The following HDAC9 variants were observed in gnomAD, a reference collection of about 807,000 sequenced individuals.
HDAC9 encodes the protein histone deacetylase 9.
HDAC9 carries 41 observed loss-of-function variants against 139.4 expected under a neutral mutation model. That is an observed-to-expected ratio of 0.29 (90% CI 0.23 to 0.38). HDAC9 has a LOEUF of 0.38. Among genes scored for constraint, HDAC9 ranks in the 10% least tolerant of loss-of-function variants. The pLI, the probability that HDAC9 is intolerant of heterozygous loss-of-function variation, is 1.00. For missense variants in HDAC9, 1,147 were observed against 1,297.0 expected (o/e 0.88, Z 1.78); for synonymous variants, 517 against 476.2 (o/e 1.09, Z -1.12).
At chr7:18,505,727 T>TA (rs1205252146) in intron 2 of HDAC9, 1 of 152,210 alleles carries the variant, frequency 6.6e-6, no homozygotes, top group Non-Finnish European at 1.5e-5. Context: ...TTTATGATCT[T>TA]ATTTGCTATG....
At chr7:18,130,362 A>G (rs1379746282) in intron 1 of HDAC9, among the ~76,000 whole-genome samples, 1 of 152,136 alleles carries the variant, frequency 6.6e-6, no homozygotes, top group Non-Finnish European at 1.5e-5. Context: ...AGCATGAGGA[A>G]TAGTGGCATG....
Position 18,666,358 on chromosome 7 carries a change from T to A in HDAC9, c.1613T>A (p.Val538Glu), listed in dbSNP as rs1562820981. ...ACTAGGAGCGACAGCAGTGCTTGTG[T>A]GGATGACACACTGGGACAAGTTGGG... Reference protein sequence around the residue: ...NSTRSDSSACVDDTLGQVGAV... With the variant: ...NSTRSDSSACEDDTLGQVGAV... The change falls in exon 12 of 26, where the codon GTG becomes GAG. Residue 538 changes from valine to glutamate, a missense_variant. This residue lies in a region of HDAC9 where 256 missense variants were observed against 219.2 expected (regional missense o/e 1.17). Coordinates refer to ENST00000686413, the MANE Select transcript of HDAC9 (RefSeq NM_178425.4). 6.2e-7 allele frequency: 1 copy of A among 1,613,230 alleles called. No homozygotes were observed. Among genetic ancestry groups the A allele is most frequent in the Admixed American group, 1.7e-5 (1 of 59,932 alleles).
chr7:18,464,522 C>T (rs1252080671), intron 1 of HDAC9, among the ~76,000 whole-genome samples: 1 of 151,994 alleles, frequency 6.6e-6, no homozygotes, highest in Non-Finnish European at 1.5e-5. Context: ...CTTGTCTCTT[C>T]ACATGCCTAG....
intron 2 of HDAC9, among the ~76,000 whole-genome samples, chr7:18,542,664 A>AAATATTT (rs1265649371): frequency 6.6e-6 from 1 of 152,166 alleles, no homozygotes; most frequent in Non-Finnish European, 1.5e-5. Flanking sequence ...TTAAATTTGG[A>AAATATTT]AATATTTTTA....
chr7:18,244,994 C>CCTCTATCTATCTATCCATCTATCT (rs71553924), intron 2 of HDAC9, among the ~76,000 whole-genome samples: 1 of 147,960 alleles, frequency 6.8e-6, no homozygotes, highest in Non-Finnish European at 1.5e-5. Flanking sequence ...ATCTAATCTG[C>CCTCTATCTATCTATCCATCTATCT]ATCTATCTAT....
intron 22 of HDAC9, among the ~76,000 whole-genome samples, chr7:18,907,202 A>G (rs1006990581): frequency 2.2e-4 from 34 of 152,322 alleles, no homozygotes; most frequent in African/African-American, 7.9e-4. Flanking sequence ...TTTTTTCTTT[A>G]TAATTCTGTT....
intron 22 of HDAC9, among the ~76,000 whole-genome samples, chr7:18,893,856 G>A (rs1221513190): frequency 2.0e-5 from 3 of 152,160 alleles, no homozygotes; most frequent in Non-Finnish European, 4.4e-5. Context: ...AGGTGATAAA[G>A]GAGCAAGCTG....
At chr7:18,794,090 T>C (rs1280640366) in intron 17 of HDAC9, among the ~76,000 whole-genome samples, 9 of 152,220 alleles carry the variant, frequency 5.9e-5, no homozygotes, top group African/African-American at 2.2e-4. Context: ...CTGACAGACG[T>C]TGACATTTTA....
intron 17 of HDAC9, among the ~76,000 whole-genome samples, chr7:18,793,756 G>A (rs1792538696): frequency 6.6e-6 from 1 of 152,120 alleles, no homozygotes; most frequent in Admixed American, 6.5e-5. Flanking sequence ...GTATATACAT[G>A]TCTGTCATGC....
At chr7:18,419,225 A>G (rs1398220722) in intron 1 of HDAC9, among the ~76,000 whole-genome samples, 2 of 152,246 alleles carry the variant, frequency 1.3e-5, no homozygotes, top group Non-Finnish European at 2.9e-5. Flanking sequence ...TGTCATGAAC[A>G]TATGACCAAT....
intron 14 of HDAC9, among the ~76,000 whole-genome samples, chr7:18,750,020 A>G (rs1465357596): frequency 6.6e-6 from 1 of 152,226 alleles, no homozygotes; most frequent in Non-Finnish European, 1.5e-5. Context: ...CCCAAAATGT[A>G]GTCAACAAAA....
chr7:18,795,083 T>C (rs1792664847), intron 17 of HDAC9, among the ~76,000 whole-genome samples: 1 of 151,822 alleles, frequency 6.6e-6, no homozygotes, highest in Non-Finnish European at 1.5e-5. Flanking sequence ...TTAGAAGTTA[T>C]CCATTTAAAA....
chr7:18,598,185 A>C (rs1412474793), intron 6 of HDAC9, among the ~76,000 whole-genome samples: 1 of 152,096 alleles, frequency 6.6e-6, no homozygotes, highest in Non-Finnish European at 1.5e-5. Context: ...GCATGTGTGA[A>C]TTGCATACAT....
chr7:18,303,353 C>T (rs1474698760), intron 1 of HDAC9, among the ~76,000 whole-genome samples: 1 of 150,566 alleles, frequency 6.6e-6, no homozygotes, highest in Admixed American at 6.6e-5. Context: ...ACTACAGGCA[C>T]CCACCGCCAC....
chr7:18,250,427 C>A (rs1207709312), intron 2 of HDAC9, among the ~76,000 whole-genome samples: 2 of 152,176 alleles, frequency 1.3e-5, no homozygotes, highest in African/African-American at 4.8e-5. Flanking sequence ...GTCCCTGAGC[C>A]TTCAGTTGCT....
chr7:18,185,414 A>G (rs899880802), intron 2 of HDAC9, among the ~76,000 whole-genome samples: 1 of 152,248 alleles, frequency 6.6e-6, no homozygotes, highest in Admixed American at 6.5e-5. Flanking sequence ...AGCAAGCATC[A>G]GGAAAGCACA....
At chr7:18,822,263 C>A (rs1320324017) in intron 17 of HDAC9, among the ~76,000 whole-genome samples, 1 of 152,226 alleles carries the variant, frequency 6.6e-6, no homozygotes, top group African/African-American at 2.4e-5. Context: ...CAGGAGCCCC[C>A]AGCCCCCAGT....
Position 18,566,363 on chromosome 7 carries a change from C to T in HDAC9, c.23-18918C>T, listed in dbSNP as rs3807921. Among the ~76,000 whole-genome samples the T allele has an allele frequency of 2.0e-4, 31 of 152,270 alleles. No homozygotes were observed. In the East Asian group the frequency reaches 4.1e-3, roughly 20 times the overall value. ...ATCATTTCTTATCTGGTAGGGATCC[C>T]GCTTGCTTCCTAGTACCTCTCCCTT... On this transcript the variant is annotated intron_variant, in intron 2 of 25. Coordinates refer to ENST00000686413, the MANE Select transcript of HDAC9 (RefSeq NM_178425.4).
At position 18,516,472 on chromosome 7, in the gene HDAC9, G is replaced by C. The variant is rs1803220910; in HGVS notation, c.22+20148G>C. On this transcript the variant is annotated intron_variant, in intron 2 of 25. Coordinates refer to ENST00000686413, the MANE Select transcript of HDAC9 (RefSeq NM_178425.4). ...TCAATATCCTATTTACTTAAGAACA[G>C]AAACAGGGAAAGGACAACTCAACCT... is the stretch of plus-strand genomic sequence containing the variant. 1.3e-5 allele frequency among the ~76,000 whole-genome samples: 2 copies of C among 152,108 alleles called. 1 individual carries two copies. Among genetic ancestry groups the C allele is most frequent in the African/African-American group, 4.8e-5 (2 of 41,426 alleles).
Sources: gnomAD v4.1 joint callset for allele counts (sites outside exome capture counted in the v4.1 genomes callset) on GRCh38, gnomAD v4.1.1 for gene constraint, gnomAD v4.1.1 regional missense constraint, MANE v1.5 for transcripts, NCBI Gene and HGNC (gene_info 2026-07-23, HGNC 2026-07-21) for gene names.